The following DDX24 variants were observed in gnomAD, a reference collection of about 807,000 sequenced individuals.
The protein encoded by DDX24 is ATP-dependent RNA helicase DDX24.
DDX24 carries 24 observed loss-of-function variants against 68.9 expected under a neutral mutation model. The ratio of observed to expected loss-of-function variants is 0.35; its 90% CI spans 0.25 to 0.49. The LOEUF is 0.49. Among genes scored for constraint, DDX24 ranks in the 20% least tolerant of loss-of-function variants. DDX24 has a pLI of 0.99. For missense variants in DDX24, 989 were observed against 1,039.0 expected (o/e 0.95, Z 0.66); for synonymous variants, 395 against 385.2 (o/e 1.03, Z -0.30).
intron 7 of DDX24, among the ~76,000 whole-genome samples, chr14:94,053,707 G>C (rs1289470641): frequency 2.0e-5 from 3 of 152,144 alleles, no homozygotes; most frequent in Non-Finnish European, 4.4e-5. Context: ...CCAGCTACTT[G>C]GGAGGCTGAG....
At chr14:94,054,640 G>A (rs551495907) in intron 7 of DDX24, among the ~76,000 whole-genome samples, 1 of 152,292 alleles carries the variant, frequency 6.6e-6, no homozygotes, top group South Asian at 2.1e-4. Context: ...CCAGGGATGT[G>A]CCAAACCTGT....
chr14:94,069,062 TAAACA>T (rs2141431614), intron 2 of DDX24, among the ~76,000 whole-genome samples: 1 of 151,764 alleles, frequency 6.6e-6, no homozygotes, highest in East Asian at 1.9e-4. Flanking sequence ...AAACAAAAGA[TAAACA>T]AAACAAAAAG....
intron 2 of DDX24, among the ~76,000 whole-genome samples, chr14:94,072,399 A>G (rs1885849597): frequency 6.6e-6 from 1 of 152,246 alleles, no homozygotes. Flanking sequence ...GGACTAAGTT[A>G]TGAGGATGCA....
chr14:94,074,819 T>C (rs915538057), intron 2 of DDX24, among the ~76,000 whole-genome samples: 4 of 152,212 alleles, frequency 2.6e-5, no homozygotes, highest in Non-Finnish European at 5.9e-5. Flanking sequence ...GGAACTAAGT[T>C]GCAGGACACA....
At chr14:94,072,977 A>T (rs1485351686) in intron 2 of DDX24, among the ~76,000 whole-genome samples, 6 of 151,626 alleles carry the variant, frequency 4.0e-5, no homozygotes, top group Admixed American at 3.3e-4. Context: ...AAATGTGAAA[A>T]AAATAAATAA....
Position 94,048,668 on chromosome 14 carries a change from A to C in DDX24, c.*2523T>G, listed in dbSNP as rs1210373382. The C allele has an allele frequency of 6.6e-6, 1 of 152,214 alleles. No homozygotes were observed. The highest frequency in any genetic ancestry group is 1.5e-5 in the Non-Finnish European group (1 of 68,050). 9.4% of individuals were successfully genotyped at this position (152,214 alleles called of 1,614,324 possible). A position where few individuals can be genotyped will look rare whatever the true frequency, so the allele number is the denominator to read the frequency against. On this transcript the variant is annotated 3_prime_UTR_variant, in exon 9 of 9. Transcript: ENST00000621632. ...TCCCCAACCTGTCCTTCCTGACAGG[A>C]AGCATAGGGCACTGCAGATGGGGAA...
chr14:94,051,061 G>C lies in DDX24; in HGVS notation c.*130C>G, dbSNP rs760390697. The C allele has an allele frequency of 9.3e-7, 1 of 1,075,520 alleles. No individual in the cohort carries two copies. Among genetic ancestry groups the C allele is most frequent in the Non-Finnish European group, 1.3e-6 (1 of 764,230 alleles). The allele number at this position is 1,075,520 out of a possible 1,614,324, so 66.6% of individuals were successfully genotyped here. On this transcript the variant is annotated 3_prime_UTR_variant, in exon 9 of 9. Transcript: ENST00000621632. The stretch of plus-strand genomic sequence containing the variant: ...ATCTGCATGAGGTCTCTCCCGCTAT[G>C]GGTGTGAGTGGAAGAGAGGGAGACT...
chr14:94,059,599 A>C (rs894241737), intron 5 of DDX24, among the ~76,000 whole-genome samples: 11 of 152,256 alleles, frequency 7.2e-5, no homozygotes, highest in African/African-American at 2.7e-4. Flanking sequence ...ATTTACAATC[A>C]ATCTTCATAA....
Position 94,061,008 on chromosome 14 carries a change from C to G in DDX24, c.1302G>C (p.Leu434=). ...CAACCACAATCTCAGGACGACGGTTCAGCATCCTCTGCTGTTTCTGCGTGG... is the reference window on the plus strand; with the variant it reads ...CAACCACAATCTCAGGACGACGGTTGAGCATCCTCTGCTGTTTCTGCGTGG... ...GMSTQKQQRM[L]NRRPEIVVAT... Residue 434 remains leucine (L), a synonymous_variant, in exon 4 of 9, where the codon CTG becomes CTC. Transcript: ENST00000621632. 6.2e-7 allele frequency: 1 copy of G among 1,614,206 alleles called. No homozygotes were observed. Among genetic ancestry groups the G allele is most frequent in the Non-Finnish European group, 8.5e-7 (1 of 1,180,026 alleles).
intron 2 of DDX24, among the ~76,000 whole-genome samples, chr14:94,066,432 T>G (rs1406504292): frequency 6.6e-6 from 1 of 152,180 alleles, no homozygotes; most frequent in Non-Finnish European, 1.5e-5. Flanking sequence ...AAAGGGCATA[T>G]AATCTTGGGA....
rs775268046 is a variant in DDX24, at chr14:94,054,983, A to C, written c.2178+13T>G. On this transcript the variant is annotated intron_variant, in intron 7 of 8. Transcript: ENST00000621632. Reference sequence around the variant, plus strand: ...ATCCCTTCATTAGCACTGGGGTTTTAACTGCTTTCTACCTTGACCACATCC... The same window carrying C: ...ATCCCTTCATTAGCACTGGGGTTTTCACTGCTTTCTACCTTGACCACATCC... 4 of 1,612,630 alleles carry C rather than the reference A, an allele frequency of 2.5e-6. No homozygotes were observed. In the Admixed American group the frequency reaches 6.7e-5, roughly 27 times the overall value.
In DDX24 at chr14:94,079,402, G is replaced by A. The variant is rs1227029109; in HGVS notation, c.341C>T (p.Thr114Ile). The change falls in exon 2 of 9, where the codon ACC becomes ATC. Residue 114 changes from threonine (T) to isoleucine (I), a missense_variant. Physicochemically the swap from Thr to Ile is moderately conservative, Grantham distance 89. Transcript: ENST00000621632. The stretch of plus-strand genomic sequence containing the variant: ...ATCTTTCACTTCAAATTCTTTCTGG[G>A]TACTGGTTCCTTCAGTTGCTACATT... ...SKNVATEGTS[T>I]QKEFEVKDPE... 3.1e-6 allele frequency: 5 copies of A among 1,613,812 alleles called. No homozygotes were observed. The highest frequency in any genetic ancestry group is 4.2e-6 in the Non-Finnish European group (5 of 1,180,020).
At chr14:94,058,218 C>T (rs1266777386) in intron 5 of DDX24, among the ~76,000 whole-genome samples, 2 of 152,044 alleles carry the variant, frequency 1.3e-5, no homozygotes, top group African/African-American at 4.8e-5. Context: ...CCTCTCCTAG[C>T]ACCCTCTCAT....
At position 94,060,693 on chromosome 14, in the gene DDX24, T is replaced by G. The variant is rs1296519078; in HGVS notation, c.1398-80A>C. The G allele has an allele frequency of 2.0e-6, 3 of 1,522,512 alleles. No individual in the cohort carries two copies. In the African/African-American group the frequency reaches 4.2e-5, roughly 21 times the overall value. 94.3% of individuals were successfully genotyped at this position (1,522,512 alleles called of 1,614,324 possible). A position where few individuals can be genotyped will look rare whatever the true frequency, so the allele number is the denominator to read the frequency against. On this transcript the variant is annotated intron_variant, in intron 4 of 8. Transcript: ENST00000621632. ...TCTATAGCACACCCTACACTCATCC[T>G]AAACACACACACACACACACGTACA... is the stretch of plus-strand genomic sequence containing the variant.
chr14:94,079,019 C>T lies in DDX24; in HGVS notation c.718+6G>A. On this transcript the variant is annotated splice_donor_region_variant and intron_variant, in intron 2 of 8. Transcript: ENST00000621632. ...GCAATCCTGCTTTGGCCAGAGTTGCCCTTACCTGTCTCAGCAGCCCCAAGG... is the reference window on the plus strand; with the variant it reads ...GCAATCCTGCTTTGGCCAGAGTTGCTCTTACCTGTCTCAGCAGCCCCAAGG... 1 of 1,610,282 alleles carries T rather than the reference C, an allele frequency of 6.2e-7. No individual in the cohort carries two copies. Among genetic ancestry groups the T allele is most frequent in the Non-Finnish European group, 8.5e-7 (1 of 1,177,682 alleles).
At chr14:94,078,987 T>C (rs1265949331) in intron 2 of DDX24, 38 bp downstream of exon 2, 1 of 1,582,344 alleles carries the variant, frequency 6.3e-7, no homozygotes, top group African/African-American at 1.4e-5. Context: ...ATGGGCTCAA[T>C]CCAGAAGCAA....
chr14:94,081,082 C>T (rs1441932639), intron 1 of DDX24, 37 bp downstream of exon 1: 1 of 152,320 alleles, frequency 6.6e-6, no homozygotes, highest in African/African-American at 2.4e-5. Context: ...AGCCCCTCTC[C>T]AGAGTCGGCT....
chr14:94,054,903 C>G (rs557038227), intron 7 of DDX24, 93 bp downstream of exon 7: 4 of 1,405,376 alleles, frequency 2.8e-6, no homozygotes, highest in African/African-American at 2.8e-5. Flanking sequence ...CCTTAGTTTT[C>G]AAGGGTTATG....
At chr14:94,051,484 G>A (rs141742192) in intron 8 of DDX24, 22 bp from the exon 9 acceptor site, 92 of 1,511,272 alleles carry the variant, frequency 6.1e-5, no homozygotes, top group African/African-American at 3.2e-4. Flanking sequence ...ATACAAAAAC[G>A]ATCCTATTTA....
Sources: gnomAD v4.1 joint callset for allele counts (sites outside exome capture counted in the v4.1 genomes callset) on GRCh38, gnomAD v4.1.1 for gene constraint, MANE v1.5 for transcripts, NCBI Gene and HGNC (gene_info 2026-07-23, HGNC 2026-07-21) for gene names.